The following RB1CC1 variants were observed in gnomAD, a reference collection of about 807,000 sequenced individuals.
RB1CC1 encodes RB1 inducible coiled-coil 1.
Under a neutral mutation model 177.5 loss-of-function variants are expected in RB1CC1, and 46 were observed. The ratio of observed to expected loss-of-function variants is 0.26; its 90% CI spans 0.20 to 0.33. RB1CC1 has a LOEUF of 0.33. Among genes scored for constraint, RB1CC1 ranks in the 10% least tolerant of loss-of-function variants. RB1CC1 has a pLI of 1.00. For missense variants in RB1CC1, 1,703 were observed against 1,816.3 expected, an observed-to-expected ratio of 0.94 and a Z score of 1.13; for synonymous variants, 666 against 613.6, an observed-to-expected ratio of 1.09 and a Z score of -1.26.
intron 23 of RB1CC1, 116 bp downstream of exon 23, chr8:52,624,601 T>A: frequency 1.2e-6 from 1 of 824,220 alleles, no homozygotes; most frequent in South Asian, 1.6e-5. Context: ...AAATTCAAGC[T>A]CTAACTGAAA....
chr8:52,660,197 G>C (rs929474860), intron 12 of RB1CC1, among the ~76,000 whole-genome samples: 4 of 152,132 alleles, frequency 2.6e-5, no homozygotes, highest in Admixed American at 1.3e-4. Context: ...AAATATAAAG[G>C]GGGGTGGTGT....
At chr8:52,681,987 A>G (rs1853784735) in intron 5 of RB1CC1, among the ~76,000 whole-genome samples, 3 of 152,186 alleles carry the variant, frequency 2.0e-5, no homozygotes, top group South Asian at 2.1e-4. Flanking sequence ...TGGAGCTCTG[A>G]GAAGAGGGTC....
At chr8:52,625,787 T>C (rs1848346732) in intron 22 of RB1CC1, among the ~76,000 whole-genome samples, 1 of 152,204 alleles carries the variant, frequency 6.6e-6, no homozygotes, top group Non-Finnish European at 1.5e-5. Context: ...GTAGGGTTTC[T>C]ATGAATGTGT....
intron 1 of RB1CC1, among the ~76,000 whole-genome samples, chr8:52,713,092 C>A (rs915063198): frequency 6.6e-6 from 1 of 152,206 alleles, no homozygotes; most frequent in Non-Finnish European, 1.5e-5. Flanking sequence ...ACAAGCTTCA[C>A]CAAAACACAA....
In RB1CC1 at chr8:52,674,285, A is replaced by G. The variant is rs759780479; in HGVS notation, c.573-11T>C. 6.4e-7 allele frequency: 1 copy of G among 1,573,564 alleles called. No homozygotes were observed. Among genetic ancestry groups the G allele is most frequent in the Non-Finnish European group, 8.7e-7 (1 of 1,144,534 alleles). ...ACTGCAGTTCCTAAACTTAAAATAC[A>G]AAAGATCTGTCAGTAAAACTATGAG... is the stretch of plus-strand genomic sequence containing the variant. On this transcript the variant is annotated splice_polypyrimidine_tract_variant and intron_variant, in intron 6 of 23. Transcript: ENST00000025008.
rs1851574503 is a variant in RB1CC1 at position 52,661,014 on chromosome 8, G to A, written c.1546-7C>T. The stretch of plus-strand genomic sequence containing the variant: ...TGACTAAAGCACCAGCCCACTAGAA[G>A]AGGAAAGCTTATGTTAAACATAAAC... On this transcript the variant is annotated splice_region_variant and splice_polypyrimidine_tract_variant and intron_variant, in intron 10 of 23. Transcript: ENST00000025008. 1.2e-6 allele frequency: 2 copies of A among 1,612,364 alleles called. No homozygotes were observed. The highest frequency in any genetic ancestry group is 1.7e-6 in the Non-Finnish European group (2 of 1,179,452).
intron 23 of RB1CC1, 74 bp from the exon 24 acceptor site, chr8:52,623,933 C>T (rs1158857087): frequency 5.8e-5 from 57 of 988,874 alleles, no homozygotes; most frequent in Non-Finnish European, 8.8e-5. Context: ...CACACACACA[C>T]ACCCAAAAAA....
intron 7 of RB1CC1, among the ~76,000 whole-genome samples, chr8:52,671,883 C>T (rs1469450990): frequency 6.6e-6 from 1 of 151,990 alleles, no homozygotes; most frequent in Non-Finnish European, 1.5e-5. Context: ...ATCTAATGGG[C>T]ATATACAACT....
intron 22 of RB1CC1, among the ~76,000 whole-genome samples, chr8:52,626,448 G>GA (rs142326817): frequency 0.015 from 2,219 of 152,114 alleles, 64 homozygotes; most frequent in African/African-American, 0.05. Flanking sequence ...GGTTCTGGGG[G>GA]AAAAAAGTGT....
intron 1 of RB1CC1, among the ~76,000 whole-genome samples, chr8:52,697,575 A>C (rs761886050): frequency 1.4e-4 from 21 of 152,194 alleles, no homozygotes; most frequent in Non-Finnish European, 3.1e-4. Flanking sequence ...TCTTGCTTTA[A>C]ACTAGTCTAG....
chr8:52,649,891 C>A (rs1850416933), intron 15 of RB1CC1, among the ~76,000 whole-genome samples: 2 of 152,140 alleles, frequency 1.3e-5, no homozygotes, highest in African/African-American at 4.8e-5. Context: ...TTTAATAATT[C>A]CAAATTAAAT....
intron 7 of RB1CC1, among the ~76,000 whole-genome samples, chr8:52,668,479 G>C (rs72633838): frequency 0.23 from 34,364 of 152,068 alleles, 4,228 homozygotes; most frequent in Middle Eastern, 0.3. Flanking sequence ...TCAGAAAAAG[G>C]TATTTTCAAT....
chr8:52,668,274 G>C (rs1470986845), intron 7 of RB1CC1, 83 bp from the exon 8 acceptor site: 3 of 1,458,850 alleles, frequency 2.1e-6, no homozygotes, highest in African/African-American at 1.4e-5. Flanking sequence ...CATACAGCTT[G>C]AGAGAAAATA....
intron 1 of RB1CC1, among the ~76,000 whole-genome samples, chr8:52,697,011 A>G (rs992602467): frequency 2.0e-5 from 3 of 152,134 alleles, no homozygotes; most frequent in African/African-American, 7.2e-5. Flanking sequence ...AAAACAAAAA[A>G]CAAAACAAAA....
chr8:52,654,670 A>G (rs1307689399), intron 15 of RB1CC1, among the ~76,000 whole-genome samples: 1 of 152,094 alleles, frequency 6.6e-6, no homozygotes, highest in Admixed American at 6.5e-5. Context: ...TTCGACCTTG[A>G]CATCTATTCT....
In RB1CC1 at chr8:52,698,669, GGTTTTTTTTTTTTTTTTTTTTTT is replaced by G. The variant is rs1855700514; in HGVS notation, c.-166-11725_-166-11703del. Among the ~76,000 whole-genome samples, 4 of 22,770 alleles carry G rather than the reference GGTTTTTTTTTTTTTTTTTTTTTT, an allele frequency of 1.8e-4. 2 individuals carry two copies. Among genetic ancestry groups the G allele is most frequent in the African/African-American group, 5.5e-4 (4 of 7,330 alleles). The allele number at this position is 22,770 out of a possible 152,430, so 14.9% of individuals were successfully genotyped here. ...AACAAAAACTGTATATGTAATGGTT[GGTTTTTTTTTTTTTTTTTTTTTT>G]TTTTTTTTTTTTTTTTTTTTTTTTT... On this transcript the variant is annotated intron_variant, in intron 1 of 23. Coordinates refer to ENST00000025008, the MANE Select transcript of RB1CC1 (RefSeq NM_014781.5).
At chr8:52,660,540 G>C in intron 12 of RB1CC1, 56 bp downstream of exon 12, 1 of 1,430,742 alleles carries the variant, frequency 7.0e-7, no homozygotes, top group African/African-American at 1.5e-5. Flanking sequence ...TCTACTTCTG[G>C]AAAAAAGGTT....
Position 52,674,035 on chromosome 8 carries a change from T to C in RB1CC1, c.812A>G (p.Asp271Gly), listed in dbSNP as rs775463321. 3.7e-6 allele frequency: 6 copies of C among 1,614,076 alleles called. No homozygotes were observed. The highest frequency in any genetic ancestry group is 5.1e-6 in the Non-Finnish European group (6 of 1,180,038). ...CCTAATTTCTTTGCCACTTTCAGCA[T>C]CTGCGGTATCTGGGGACACATGTTC... ...SVEHVSPDTA[D>G]AESGKEIRES... Residue 271 changes from aspartate (D) to glycine (G), a missense_variant, in exon 7 of 24, where the codon GAT (aspartate) becomes GGT (glycine). Physicochemically the swap from Asp to Gly is moderately conservative, Grantham distance 94. Coordinates refer to ENST00000025008, the MANE Select transcript of RB1CC1 (RefSeq NM_014781.5).
intron 5 of RB1CC1, among the ~76,000 whole-genome samples, chr8:52,680,343 G>A (rs751747713): frequency 1.3e-5 from 2 of 152,060 alleles, no homozygotes; most frequent in Non-Finnish European, 2.9e-5. Flanking sequence ...AAGAAGACAC[G>A]GCTGAAAACA....
Sources: gnomAD v4.1 joint callset for allele counts (sites outside exome capture counted in the v4.1 genomes callset) on GRCh38, gnomAD v4.1.1 for gene constraint, MANE v1.5 for transcripts, NCBI Gene and HGNC (gene_info 2026-07-23, HGNC 2026-07-21) for gene names.